IL1RAPL2: variants seen among roughly 807,000 people sequenced by gnomAD.
The protein encoded by IL1RAPL2 is interleukin 1 receptor accessory protein like 2.
A neutral mutation model predicts 44.1 loss-of-function variants in IL1RAPL2; 3 were observed. The observed-to-expected ratio is 0.07, with a 90% confidence interval of 0.03 to 0.18. The LOEUF (loss-of-function observed/expected upper bound fraction) is 0.18. Ranked by LOEUF, IL1RAPL2 falls within the 10% of genes least tolerant of loss-of-function variation. The pLI is 1.00. For missense variants in IL1RAPL2, 391 were observed against 496.4 expected, an observed-to-expected ratio of 0.79 and a Z score of 2.02; for synonymous variants, 181 against 178.8, an observed-to-expected ratio of 1.01 and a Z score of -0.10.
At chrX:104,935,362 T>G (rs1925002351) in intron 2 of IL1RAPL2, among the ~76,000 whole-genome samples, 1 of 112,314 alleles carries the variant, frequency 8.9e-6, no homozygotes, top group African/African-American at 3.2e-5. Flanking sequence ...TTTTGACATT[T>G]TTTTTGGTTT....
chrX:105,153,615 T>C (rs1211779133), intron 2 of IL1RAPL2, among the ~76,000 whole-genome samples: 1 of 111,901 alleles, frequency 8.9e-6, no homozygotes, highest in African/African-American at 3.3e-5. Flanking sequence ...TTATACATTT[T>C]AGGGAGATGG....
In IL1RAPL2 at chrX:105,219,015, C is replaced by T; in HGVS notation, c.357-14803C>T. The T allele has an allele frequency of 2.5e-6, 3 of 1,211,256 alleles. No individual in the cohort carries two copies. In the East Asian group the frequency reaches 8.9e-5, roughly 36 times the overall value. On this transcript the variant is annotated intron_variant, in intron 3 of 10. Transcript: ENST00000372582. ...CCTTCCCACAGTCGAAGCAAGTATC[C>T]CTCCGTGAAAAATTCACAGCGTTAC...
chrX:104,694,492 G>A (rs183529890), intron 2 of IL1RAPL2, among the ~76,000 whole-genome samples: 14 of 111,688 alleles, frequency 1.3e-4, no homozygotes, highest in South Asian at 3.8e-4. Context: ...ACTTCTGTTC[G>A]TAACCTATAG....
intron 2 of IL1RAPL2, among the ~76,000 whole-genome samples, chrX:104,786,895 CTCTCAT>C (rs201417999): frequency 2.7e-3 from 283 of 104,746 alleles, no homozygotes; most frequent in African/African-American, 8.9e-3. Context: ...AGAATTCCCT[CTCTCAT>C]TCTCATTCTC....
rs745949698 is a variant in IL1RAPL2 at position 105,665,726 on chromosome X, G to GTTTTTTTT, written c.773-51634_773-51633insTTTTTTTT. Among the ~76,000 whole-genome samples, 7 of 75,188 alleles carry GTTTTTTTT rather than the reference G, an allele frequency of 9.3e-5. 1 individual carries two copies. The highest frequency in any genetic ancestry group is 3.7e-4 in the African/African-American group (7 of 19,162). 65.3% of individuals were successfully genotyped at this position (75,188 alleles called of 115,157 possible). A position where few individuals can be genotyped will look rare whatever the true frequency, so the allele number is the denominator to read the frequency against. On this transcript the variant is annotated intron_variant, in intron 6 of 10. Transcript: ENST00000372582. ...TGTCCTTTCAATAGTTTTTATTTTT[G>GTTTTTTTT]TTTTTTTGTTTTTTTGTTTTTTTTT...
intron 4 of IL1RAPL2, among the ~76,000 whole-genome samples, chrX:105,254,232 A>C (rs2034296691): frequency 8.9e-6 from 1 of 111,945 alleles, no homozygotes; most frequent in Non-Finnish European, 1.9e-5. Context: ...TTGACTTTTT[A>C]GTAATAGCTA....
intron 6 of IL1RAPL2, among the ~76,000 whole-genome samples, chrX:105,634,873 T>C (rs745327846): frequency 9.0e-6 from 1 of 111,722 alleles, no homozygotes; most frequent in Admixed American, 9.5e-5. Flanking sequence ...CATACAAACT[T>C]GATCCATTAG....
intron 2 of IL1RAPL2, among the ~76,000 whole-genome samples, chrX:104,671,925 T>G (rs1033806225): frequency 2.7e-5 from 3 of 111,139 alleles, no homozygotes; most frequent in African/African-American, 9.8e-5. Context: ...TGAAACTCTA[T>G]CCTCATCTGC....
At chrX:105,315,575 G>GATATATATAT (rs1416772546) in intron 5 of IL1RAPL2, among the ~76,000 whole-genome samples, 1 of 3,859 alleles carries the variant, frequency 2.6e-4, no homozygotes, top group Non-Finnish European at 7.2e-4. Flanking sequence ...AGAACTAATG[G>GATATATATAT]ATGTATATAT....
At chrX:105,172,549 G>A (rs775532182) in intron 2 of IL1RAPL2, among the ~76,000 whole-genome samples, 1 of 111,372 alleles carries the variant, frequency 9.0e-6, no homozygotes, top group East Asian at 2.9e-4. Context: ...TCCTAGTTGA[G>A]TTTGCTGGCA....
intron 6 of IL1RAPL2, among the ~76,000 whole-genome samples, chrX:105,610,052 G>A (rs2037324420): frequency 9.0e-6 from 1 of 111,584 alleles, no homozygotes; most frequent in African/African-American, 3.3e-5. Context: ...CTGTCTGCTT[G>A]CCTGTGTCTC....
chrX:105,754,346 G>T (rs747683829), intron 9 of IL1RAPL2, among the ~76,000 whole-genome samples: 1 of 111,776 alleles, frequency 8.9e-6, no homozygotes, highest in East Asian at 2.8e-4. Flanking sequence ...TTAACATTTT[G>T]CAGGAAAAAA....
chrX:105,743,737 A>G (rs1472550490), intron 8 of IL1RAPL2, among the ~76,000 whole-genome samples: 1 of 111,892 alleles, frequency 8.9e-6, no homozygotes, highest in South Asian at 3.7e-4. Context: ...TGCATAAAAC[A>G]TAATAAGTGC....
chrX:105,327,970 T>A (rs2034953863), intron 5 of IL1RAPL2, among the ~76,000 whole-genome samples: 2 of 111,780 alleles, frequency 1.8e-5, no homozygotes, highest in South Asian at 7.5e-4. Flanking sequence ...CTGTTGGGAG[T>A]GACTTACCAA....
intron 6 of IL1RAPL2, among the ~76,000 whole-genome samples, chrX:105,622,098 A>G (rs1336921511): frequency 9.1e-6 from 1 of 109,970 alleles, no homozygotes; most frequent in Non-Finnish European, 1.9e-5. Context: ...GGAAGATGCC[A>G]TTTGACTCAT....
At chrX:105,615,917 T>A (rs1461604092) in intron 6 of IL1RAPL2, among the ~76,000 whole-genome samples, 2 of 112,070 alleles carry the variant, frequency 1.8e-5, no homozygotes, top group East Asian at 5.6e-4. Context: ...ATTGCATGCC[T>A]GTATCAAAAC....
At chrX:104,902,970 A>G (rs1185697262) in intron 2 of IL1RAPL2, among the ~76,000 whole-genome samples, 5 of 111,875 alleles carry the variant, frequency 4.5e-5, no homozygotes, top group Non-Finnish European at 7.5e-5. Context: ...GAGTATCTTC[A>G]ATGCATTTTA....
intron 2 of IL1RAPL2, among the ~76,000 whole-genome samples, chrX:104,776,970 A>G (rs1199107487): frequency 1.8e-5 from 2 of 111,645 alleles, no homozygotes; most frequent in Non-Finnish European, 3.8e-5. Context: ...GTGTCTATGT[A>G]GGATCCTCTT....
At chrX:104,869,925 G>T (rs1042698167) in intron 2 of IL1RAPL2, among the ~76,000 whole-genome samples, 1 of 111,758 alleles carries the variant, frequency 8.9e-6, no homozygotes, top group Non-Finnish European at 1.9e-5. Context: ...AAAACATCTG[G>T]GTGGATGTAG....
Sources: gnomAD v4.1 joint callset for allele counts (sites outside exome capture counted in the v4.1 genomes callset) on GRCh38, gnomAD v4.1.1 for gene constraint, MANE v1.5 for transcripts, NCBI Gene and HGNC (gene_info 2026-07-23, HGNC 2026-07-21) for gene names.